SYNJ2: variants seen among roughly 807,000 people sequenced by gnomAD.
SYNJ2 encodes the protein synaptojanin 2, also known as polyphosphatidylinositol phosphatase SYNJ2.
SYNJ2 carries 116 observed loss-of-function variants against 141.3 expected under a neutral mutation model. That is an observed-to-expected ratio of 0.82 (90% CI 0.71 to 0.96). The LOEUF is 0.96. SYNJ2 is among the 40% of genes least tolerant of loss of function. The pLI is 0.00. For missense variants in SYNJ2, 1,873 were observed against 1,934.8 expected (o/e 0.97, Z 0.60); for synonymous variants, 745 against 777.7 (o/e 0.96, Z 0.70).
At chr6:158,050,760 C>G (rs985702549) in intron 5 of SYNJ2, among the ~76,000 whole-genome samples, 4 of 152,196 alleles carry the variant, frequency 2.6e-5, no homozygotes, top group African/African-American at 9.7e-5. Flanking sequence ...GCTTTGCTGC[C>G]TGTTCCCTGG....
chr6:158,016,245 C>G (rs1177766648), intron 1 of SYNJ2, among the ~76,000 whole-genome samples: 1 of 152,208 alleles, frequency 6.6e-6, no homozygotes, highest in African/African-American at 2.4e-5. Flanking sequence ...TCCCGAGTAG[C>G]TGGGATTACA....
intron 2 of SYNJ2, chr6:158,017,682 T>A (rs1778538350): frequency 6.1e-6 from 3 of 491,894 alleles, no homozygotes; most frequent in African/African-American, 3.9e-5. Context: ...CCCAAAGTGC[T>A]GGGATTACAG....
At chr6:158,075,623 G>A (rs1440813884) in intron 16 of SYNJ2, among the ~76,000 whole-genome samples, 3 of 151,284 alleles carry the variant, frequency 2.0e-5, no homozygotes, top group Admixed American at 6.6e-5. Context: ...CTTGGGCAAC[G>A]AGCAAAACTC....
chr6:158,079,700 T>C (rs532992942), intron 18 of SYNJ2, among the ~76,000 whole-genome samples: 5 of 152,344 alleles, frequency 3.3e-5, no homozygotes, highest in Admixed American at 6.5e-5. Flanking sequence ...ATACCTGTTG[T>C]TGCAAATACA....
rs1331415004 is a variant in SYNJ2, at chr6:158,043,032, G to A, written c.712-284G>A. Among the ~76,000 whole-genome samples, 5 of 152,178 alleles carry A rather than the reference G, an allele frequency of 3.3e-5. No homozygotes were observed. Among genetic ancestry groups the A allele is most frequent in the Admixed American group, 1.3e-4 (2 of 15,284 alleles). ...CTGTTCCTGGGATTTTCAGGGTGAC[G>A]ATAAGGTTGTGCCCTAGAAGTGTGA... On this transcript the variant is annotated intron_variant, in intron 4 of 26. Coordinates refer to ENST00000355585, the MANE Select transcript of SYNJ2 (RefSeq NM_003898.4). The surrounding 1 kb of genome is among the most constrained non-coding windows in gnomAD (Gnocchi z 4.0).
At chr6:158,087,871 A>ACTT (rs1200302507) in intron 23 of SYNJ2, among the ~76,000 whole-genome samples, 14 of 131,252 alleles carry the variant, frequency 1.1e-4, no homozygotes, top group African/African-American at 4.6e-4. Context: ...GCAGCAACAT[A>ACTT]CTTCTTTTTT....
At chr6:158,017,566 C>T in intron 2 of SYNJ2, 1 of 458,742 alleles carries the variant, frequency 2.2e-6, no homozygotes, top group Non-Finnish European at 4.0e-6. Flanking sequence ...AGGCATGCGC[C>T]ACCATGCCCA....
chr6:158,042,490 C>T (rs1006255561), intron 4 of SYNJ2, among the ~76,000 whole-genome samples: 1 of 152,250 alleles, frequency 6.6e-6, no homozygotes, highest in Non-Finnish European at 1.5e-5. Flanking sequence ...CCTGCCAGGC[C>T]AGGCTAGAGT....
Position 158,033,575 on chromosome 6 carries a change from G to A in SYNJ2, c.606G>A (p.Lys202=), listed in dbSNP as rs768586334. Residue 202 remains lysine (K), a synonymous_variant, in exon 4 of 27, where the codon AAG becomes AAA. Coordinates refer to ENST00000355585, the MANE Select transcript of SYNJ2 (RefSeq NM_003898.4). ...TGTATGCCTCCCACAAGCAGGCCAA[G>A]GCCTGCCTCGTCTCTCGCGTTAGCT... ...RTVYASHKQA[K]ACLVSRVSCE... is the part of the protein sequence containing the mutation. The A allele has an allele frequency of 6.2e-7, 1 of 1,614,094 alleles. No homozygotes were observed. Among genetic ancestry groups the A allele is most frequent in the South Asian group, 1.1e-5 (1 of 91,086 alleles).
chr6:158,046,744 C>T (rs536860885), intron 5 of SYNJ2, among the ~76,000 whole-genome samples: 18 of 152,286 alleles, frequency 1.2e-4, no homozygotes, highest in African/African-American at 4.3e-4. Context: ...TTCATTTTTA[C>T]GTGTAAATGG....
rs1783814576 is a variant in SYNJ2, at chr6:158,096,616, C to T, written c.*252C>T. On this transcript the variant is annotated 3_prime_UTR_variant, in exon 27 of 27. Coordinates refer to ENST00000355585, the MANE Select transcript of SYNJ2 (RefSeq NM_003898.4). ...GGAATGGGAACCTTCCTGTTAAATT[C>T]GGTGTATGGATTTTAAGAAAGGAAT... 2 of 356,796 alleles carry T rather than the reference C, an allele frequency of 5.6e-6. No homozygotes were observed. Among genetic ancestry groups the T allele is most frequent in the Non-Finnish European group, 1.0e-5 (2 of 199,762 alleles). 22.1% of individuals were successfully genotyped at this position (356,796 alleles called of 1,614,324 possible).
rs759845228 is a variant in SYNJ2 at position 157,993,570 on chromosome 6, T to A, written c.127+11482T>A. Reference sequence around the variant, plus strand: ...CTCTTTTGTTCATTTTTGCTTTGGTTGCCTGTGCTTGTGGGGTATTGCTCA... The same window carrying A: ...CTCTTTTGTTCATTTTTGCTTTGGTAGCCTGTGCTTGTGGGGTATTGCTCA... On this transcript the variant is annotated intron_variant, in intron 1 of 26. Coordinates refer to ENST00000355585, the MANE Select transcript of SYNJ2 (RefSeq NM_003898.4). Among the ~76,000 whole-genome samples the A allele has an allele frequency of 5.3e-4, 81 of 152,210 alleles. 1 individual carries two copies. The highest frequency in any genetic ancestry group is 8.7e-4 in the Non-Finnish European group (59 of 68,004).
At chr6:157,996,310 G>A (rs953246992) in intron 1 of SYNJ2, among the ~76,000 whole-genome samples, 1 of 151,872 alleles carries the variant, frequency 6.6e-6, no homozygotes, top group Admixed American at 6.6e-5. Flanking sequence ...CGAGTCCCCC[G>A]GTCATCGCTG....
intron 1 of SYNJ2, among the ~76,000 whole-genome samples, chr6:158,005,554 C>T (rs1268914171): frequency 1.3e-5 from 2 of 151,812 alleles, no homozygotes; most frequent in African/African-American, 4.8e-5. Flanking sequence ...AAACCTCAGC[C>T]CTGGTTACAT....
Position 158,081,622 on chromosome 6 carries a change from TTTTTTTTTTTTTTC to T in SYNJ2, c.2865+114_2865+127del, listed in dbSNP as rs1372753546. ...ACCTGTGCCTTTTTTTTTTTTTTTT[TTTTTTTTTTTTTTC>T]TCTGAGACAAAGTCTTGCTCTGTCA... is the stretch of plus-strand genomic sequence containing the variant. On this transcript the variant is annotated intron_variant, in intron 20 of 26. Transcript: ENST00000355585. 7.4e-4 allele frequency: 339 copies of T among 456,358 alleles called. 8 individuals are homozygous for T. In the African/African-American group the frequency reaches 0.014, roughly 19 times the overall value. The allele number at this position is 456,358 out of a possible 1,614,324, so 28.3% of individuals were successfully genotyped here.
At chr6:158,002,072 C>G (rs1156249890) in intron 1 of SYNJ2, 3 of 152,482 alleles carry the variant, frequency 2.0e-5, no homozygotes, top group Non-Finnish European at 4.4e-5. Flanking sequence ...GCTGCTCAGT[C>G]TTCCATCCAA....
chr6:158,017,521 TCTC>T (rs1418233968), intron 2 of SYNJ2: 10 of 541,872 alleles, frequency 1.8e-5, no homozygotes, highest in African/African-American at 1.7e-4. Context: ...TTCAAGCAAT[TCTC>T]CTGCCTCAGC....
intron 5 of SYNJ2, among the ~76,000 whole-genome samples, chr6:158,050,898 G>A (rs149087910): frequency 2.0e-4 from 31 of 152,052 alleles, no homozygotes; most frequent in Admixed American, 3.9e-4. Flanking sequence ...GGGATTCAGC[G>A]TCTCCCATCC....
At chr6:158,012,984 TATTC>T (rs1164593560) in intron 1 of SYNJ2, among the ~76,000 whole-genome samples, 1 of 152,150 alleles carries the variant, frequency 6.6e-6, no homozygotes, top group African/African-American at 2.4e-5. Context: ...TTGGGGAAAA[TATTC>T]ATTCATTAAA....
Sources: allele counts gnomAD v4.1 joint callset (sites outside exome capture counted in the v4.1 genomes callset), GRCh38; gene constraint gnomAD v4.1.1; non-coding constraint Gnocchi (gnomAD v3.1); transcripts MANE v1.5; gene names NCBI Gene and HGNC (gene_info 2026-07-23, HGNC 2026-07-21).